HDAC9: variants seen among roughly 807,000 people sequenced by gnomAD.
The protein encoded by HDAC9 is MEF-2 interacting transcription repressor (MITR) protein.
In HDAC9, 41 loss-of-function variants were observed where a neutral mutation model predicts 139.4. The ratio of observed to expected loss-of-function variants is 0.29; its 90% CI spans 0.23 to 0.38. The LOEUF (loss-of-function observed/expected upper bound fraction) is 0.38, where lower values mean the gene tolerates loss of function less well. Among genes scored for constraint, HDAC9 ranks in the 10% least tolerant of loss-of-function variants. The pLI, the probability that HDAC9 is intolerant of heterozygous loss-of-function variation, is 1.00. For missense variants in HDAC9, 1,147 were observed against 1,297.0 expected, an observed-to-expected ratio of 0.88 and a Z score of 1.78; for synonymous variants, 517 against 476.2, an observed-to-expected ratio of 1.09 and a Z score of -1.12.
At chr7:18,737,481 T>C (rs1787032462) in intron 13 of HDAC9, among the ~76,000 whole-genome samples, 1 of 152,252 alleles carries the variant, frequency 6.6e-6, no homozygotes. Flanking sequence ...CTGCCTTTTT[T>C]TCGTTATTTA....
intron 22 of HDAC9, among the ~76,000 whole-genome samples, chr7:18,890,444 A>G (rs571544708): frequency 6.6e-6 from 1 of 152,232 alleles, no homozygotes; most frequent in Non-Finnish European, 1.5e-5. Flanking sequence ...AGATCTGCCC[A>G]TAGGATGACT....
At chr7:18,956,331 C>T (rs1010296112) in intron 24 of HDAC9, among the ~76,000 whole-genome samples, 3 of 151,996 alleles carry the variant, frequency 2.0e-5, no homozygotes, top group Admixed American at 6.6e-5. Context: ...TATTTATTTT[C>T]GATGTTTCTC....
intron 1 of HDAC9, among the ~76,000 whole-genome samples, chr7:18,461,542 G>A (rs557235167): frequency 2.4e-4 from 37 of 152,126 alleles, no homozygotes; most frequent in Non-Finnish European, 4.1e-4. Context: ...GCTGTATTAT[G>A]CTCTCTAATA....
chr7:18,748,936 T>C (rs1788214130), intron 13 of HDAC9, 69 bp from the exon 14 acceptor site: 1 of 1,400,388 alleles, frequency 7.1e-7, no homozygotes, highest in African/African-American at 1.4e-5. Flanking sequence ...GTTATCATAT[T>C]ATCTCCTAAC....
chr7:18,117,447 C>G (rs1479922988), intron 1 of HDAC9, among the ~76,000 whole-genome samples: 1 of 150,688 alleles, frequency 6.6e-6, no homozygotes, highest in Non-Finnish European at 1.5e-5. Context: ...GATCGCGCCA[C>G]TGCACTCCAG....
chr7:18,716,075 G>A (rs1403973973), intron 12 of HDAC9, among the ~76,000 whole-genome samples: 2 of 152,178 alleles, frequency 1.3e-5, no homozygotes, highest in Non-Finnish European at 2.9e-5. Context: ...AGGAATAAAG[G>A]AAATGCTCAA....
In HDAC9 at chr7:18,981,317, T is replaced by A. The variant is rs560733648; in HGVS notation, c.3170+5364T>A. On this transcript the variant is annotated intron_variant, in intron 25 of 25. Transcript: ENST00000686413. ...CACTCTTTCAACACTTTCTGATTAT[T>A]TCTAGGAGCCAGATAAAGTGTTAGG... Among the ~76,000 whole-genome samples the A allele has an allele frequency of 5.9e-5, 9 of 152,180 alleles. No individual in the cohort carries two copies. The East Asian group carries it at 1.7e-3, about 29-fold the overall frequency.
At chr7:18,195,239 A>G (rs1314512862) in intron 2 of HDAC9, among the ~76,000 whole-genome samples, 1 of 152,084 alleles carries the variant, frequency 6.6e-6, no homozygotes, top group East Asian at 1.9e-4. Flanking sequence ...CCATATTTTT[A>G]TCTAAAACCC....
At chr7:18,475,843 T>G (rs1291488873) in intron 1 of HDAC9, among the ~76,000 whole-genome samples, 1 of 152,166 alleles carries the variant, frequency 6.6e-6, no homozygotes, top group African/African-American at 2.4e-5. Context: ...TCACTAATAA[T>G]CCAGAACATC....
Position 18,961,868 on chromosome 7 carries a change from T to C in HDAC9, c.3022+7638T>C, listed in dbSNP as rs557451613. On this transcript the variant is annotated intron_variant, in intron 24 of 25. Transcript: ENST00000686413. ...AGCAGTCTAGATCCAGTCTTCCCTC[T>C]TAGCCTCTAAGTTACACTATGTCAC... Among the ~76,000 whole-genome samples, 24 of 152,316 alleles carry C rather than the reference T, an allele frequency of 1.6e-4. 1 individual carries two copies. Among genetic ancestry groups the C allele is most frequent in the African/African-American group, 5.8e-4 (24 of 41,574 alleles).
chr7:18,314,855 C>T (rs554924482), intron 1 of HDAC9, among the ~76,000 whole-genome samples: 2 of 152,108 alleles, frequency 1.3e-5, no homozygotes, highest in East Asian at 1.9e-4. Context: ...GTTTGAAATT[C>T]GTGTTTTATA....
intron 24 of HDAC9, among the ~76,000 whole-genome samples, chr7:18,972,011 G>A (rs913997151): frequency 3.3e-5 from 5 of 152,168 alleles, no homozygotes; most frequent in African/African-American, 9.7e-5. Context: ...GACCTCTCCT[G>A]TTGAGAAATA....
intron 2 of HDAC9, among the ~76,000 whole-genome samples, chr7:18,273,435 A>G (rs1292713785): frequency 6.6e-6 from 1 of 152,142 alleles, no homozygotes; most frequent in Non-Finnish European, 1.5e-5. Context: ...AGAGCCAGAA[A>G]GGACTAATTT....
intron 17 of HDAC9, among the ~76,000 whole-genome samples, chr7:18,793,826 A>C (rs1585047987): frequency 6.6e-6 from 1 of 152,212 alleles, no homozygotes; most frequent in Non-Finnish European, 1.5e-5. Flanking sequence ...AGTGTGTATA[A>C]GCTCAGAATA....
At chr7:18,549,208 A>G (rs1162859798) in intron 2 of HDAC9, among the ~76,000 whole-genome samples, 3 of 152,218 alleles carry the variant, frequency 2.0e-5, no homozygotes, top group African/African-American at 4.8e-5. Context: ...ACTGCACTCC[A>G]GCCTGGTGAC....
At chr7:18,748,947 A>C (rs1584968202) in intron 13 of HDAC9, 58 bp from the exon 14 acceptor site, 8 of 1,496,430 alleles carry the variant, frequency 5.3e-6, no homozygotes, top group Non-Finnish European at 7.4e-6. Flanking sequence ...ATCTCCTAAC[A>C]TGTGTCATTA....
intron 6 of HDAC9, among the ~76,000 whole-genome samples, chr7:18,615,483 C>T (rs547356836): frequency 3.9e-5 from 6 of 152,240 alleles, no homozygotes; most frequent in East Asian, 1.9e-4. Context: ...AATTTATATA[C>T]TTATACCCTA....
At chr7:18,850,905 C>T (rs972530416) in intron 21 of HDAC9, among the ~76,000 whole-genome samples, 1 of 152,178 alleles carries the variant, frequency 6.6e-6, no homozygotes. Flanking sequence ...TTTTCTTTCA[C>T]AAGGGCACTA....
chr7:18,138,527 G>GAGGTGTGTGT (rs373098473), intron 1 of HDAC9, among the ~76,000 whole-genome samples: 1 of 142,586 alleles, frequency 7.0e-6, no homozygotes. Context: ...GAGAGAGAGA[G>GAGGTGTGTGT]GTGTGTGTGT....
Sources: gnomAD v4.1 joint callset for allele counts (sites outside exome capture counted in the v4.1 genomes callset) on GRCh38, gnomAD v4.1.1 for gene constraint, MANE v1.5 for transcripts, NCBI Gene and HGNC (gene_info 2026-07-23, HGNC 2026-07-21) for gene names.